The following PSMG1 variants were observed in gnomAD, a reference collection of about 807,000 sequenced individuals.
PSMG1 encodes the protein Down syndrome critical region gene 2.
In PSMG1, 23 loss-of-function variants were observed where a neutral mutation model predicts 37.2. The ratio of observed to expected loss-of-function variants is 0.62; its 90% CI spans 0.44 to 0.88. The LOEUF (loss-of-function observed/expected upper bound fraction) is 0.88, where lower values mean the gene tolerates loss of function less well. Among genes scored for constraint, PSMG1 ranks in the 40% least tolerant of loss-of-function variants. The pLI is 0.00. For synonymous variants in PSMG1, 127 were observed against 128.0 expected (o/e 0.99, Z 0.05); for missense variants, 340 against 344.2 (o/e 0.99, Z 0.10).
chr21:39,178,973 G>C (rs1001494233), intron 4 of PSMG1, among the ~76,000 whole-genome samples: 5 of 152,122 alleles, frequency 3.3e-5, no homozygotes, highest in Non-Finnish European at 7.4e-5. Flanking sequence ...ACTGGATATG[G>C]GGGTAGATCC....
chr21:39,179,634 A>G (rs1398698926), intron 4 of PSMG1, among the ~76,000 whole-genome samples: 1 of 150,630 alleles, frequency 6.6e-6, no homozygotes, highest in Non-Finnish European at 1.5e-5. Context: ...GAGGAATCCA[A>G]TTGTGTTTTA....
At chr21:39,182,303 TCAGA>T (rs2146412963) in intron 1 of PSMG1, among the ~76,000 whole-genome samples, 1 of 152,294 alleles carries the variant, frequency 6.6e-6, no homozygotes, top group South Asian at 2.1e-4. Context: ...AACGAAGCTA[TCAGA>T]CAAATTCAGA....
intron 1 of PSMG1, among the ~76,000 whole-genome samples, chr21:39,182,515 AATTAGT>A (rs1307248956): frequency 6.6e-6 from 1 of 152,198 alleles, no homozygotes; most frequent in African/African-American, 2.4e-5. Flanking sequence ...GATACTGGAA[AATTAGT>A]ATTAGTGTTG....
chr21:39,180,800 C>T (rs2030801207), intron 2 of PSMG1, among the ~76,000 whole-genome samples: 1 of 152,060 alleles, frequency 6.6e-6, no homozygotes, highest in Non-Finnish European at 1.5e-5. Flanking sequence ...ACTAGGGGTA[C>T]CTTACAGAGG....
Position 39,178,438 on chromosome 21 carries a change from T to G in PSMG1, c.655+11A>C. On this transcript the variant is annotated intron_variant, in intron 5 of 6. Transcript: ENST00000331573. Reference sequence around the variant, plus strand: ...AAGATAGAATGTAAATGTTACAAATTTTAATACCACCTGCTGCAGGAAGGT... The same window carrying G: ...AAGATAGAATGTAAATGTTACAAATGTTAATACCACCTGCTGCAGGAAGGT... The G allele has an allele frequency of 6.2e-7, 1 of 1,602,514 alleles. No individual in the cohort carries two copies. Among genetic ancestry groups the G allele is most frequent in the Admixed American group, 1.7e-5 (1 of 59,962 alleles).
intron 5 of PSMG1, among the ~76,000 whole-genome samples, chr21:39,178,099 T>C (rs1444910672): frequency 6.6e-6 from 1 of 152,226 alleles, no homozygotes; most frequent in Non-Finnish European, 1.5e-5. Flanking sequence ...CAAGATTCAA[T>C]ATTCAAAACT....
At position 39,179,954 on chromosome 21, in the gene PSMG1, T is replaced by C; in HGVS notation, c.426A>G (p.Ala142=). ...CCAGCCACTGATACTGTTGATCTTC[T>C]GCAACATAGCAACTGCACTGACAGA... is the stretch of plus-strand genomic sequence containing the variant. ...VFLCQCSCYV[A]EDQQYQWLEK... is the part of the protein sequence containing the mutation. Residue 142 remains alanine (A), a synonymous_variant, in exon 4 of 7, where the codon GCA becomes GCG. Transcript: ENST00000331573. 6 of 1,613,226 alleles carry C rather than the reference T, an allele frequency of 3.7e-6. No individual in the cohort carries two copies. The highest frequency in any genetic ancestry group is 1.1e-5 in the South Asian group (1 of 91,076).
In PSMG1 at chr21:39,175,509, A is replaced by G. The variant is rs1177371444; in HGVS notation, c.*81T>C. 9 of 1,440,382 alleles carry G rather than the reference A, an allele frequency of 6.2e-6. No individual in the cohort carries two copies. In the African/African-American group the frequency reaches 1.0e-4, roughly 16 times the overall value. The allele number at this position is 1,440,382 out of a possible 1,614,324, so 89.2% of individuals were successfully genotyped here. Reference sequence around the variant, plus strand: ...TCATCATTCTCAAAATATATCCCCCAAAAGTAATCTACAAAAGAGTGCAGG... The same window carrying G: ...TCATCATTCTCAAAATATATCCCCCGAAAGTAATCTACAAAAGAGTGCAGG... On this transcript the variant is annotated 3_prime_UTR_variant, in exon 7 of 7. Coordinates refer to ENST00000331573, the MANE Select transcript of PSMG1 (RefSeq NM_003720.4).
chr21:39,178,540 G>T lies in PSMG1; in HGVS notation c.564C>A (p.Phe188Leu). 1 of 1,614,096 alleles carries T rather than the reference G, an allele frequency of 6.2e-7. No individual in the cohort carries two copies. The highest frequency in any genetic ancestry group is 8.5e-7 in the Non-Finnish European group (1 of 1,179,982). The change falls in exon 5 of 7, where the codon TTC becomes TTA. Residue 188 changes from phenylalanine to leucine, a missense_variant. Physicochemically the swap from Phe to Leu is conservative, Grantham distance 22. Transcript: ENST00000331573. The part of the protein sequence containing the change: ...SESTGSLPSP[F>L]LRALKTQNFK... Reference sequence around the variant, plus strand: ...AATTCTGTGTTTTTAGGGCTCTCAGGAAAGGAGAAGGAAGGCTGCCGGTGG... The same window carrying T: ...AATTCTGTGTTTTTAGGGCTCTCAGTAAAGGAGAAGGAAGGCTGCCGGTGG...
intron 2 of PSMG1, among the ~76,000 whole-genome samples, chr21:39,181,434 C>A (rs998940083): frequency 2.6e-5 from 4 of 151,802 alleles, no homozygotes; most frequent in Non-Finnish European, 5.9e-5. Context: ...CTGCACCCAG[C>A]CTAAATCTGA....
At chr21:39,181,701 T>C in intron 2 of PSMG1, 71 bp downstream of exon 2, 1 of 1,100,426 alleles carries the variant, frequency 9.1e-7, no homozygotes, top group South Asian at 1.8e-5. Context: ...TTTAAATCTT[T>C]TATGATGGAA....
rs1361656253 is a variant in PSMG1 at position 39,179,907 on chromosome 21, T to C, written c.456+17A>G. 1 of 1,611,200 alleles carries C rather than the reference T, an allele frequency of 6.2e-7. No individual in the cohort carries two copies. The highest frequency in any genetic ancestry group is 1.1e-5 in the South Asian group (1 of 90,990). ...TCCTGTAGACTAACCATTCACAGGT[T>C]TTCATTTCTCTCTTACCTTTTCCAG... is the stretch of plus-strand genomic sequence containing the variant. On this transcript the variant is annotated intron_variant, in intron 4 of 6. Transcript: ENST00000331573.
At chr21:39,180,473 C>G (rs755791665) in intron 2 of PSMG1, 37 bp from the exon 3 acceptor site, 1 of 1,528,916 alleles carries the variant, frequency 6.5e-7, no homozygotes, top group Non-Finnish European at 8.8e-7. Context: ...GTGTTTGGCT[C>G]TGCAAGCTAT....
chr21:39,182,048 A>C (rs907484550), intron 1 of PSMG1, among the ~76,000 whole-genome samples, 170 bp from the exon 2 acceptor site: 7 of 152,198 alleles, frequency 4.6e-5, no homozygotes, highest in African/African-American at 1.4e-4. Flanking sequence ...CCAACAGATA[A>C]AACTATTGCA....
intron 5 of PSMG1, 150 bp downstream of exon 5, chr21:39,178,297 ACT>A (rs2030696974): frequency 4.4e-6 from 3 of 681,512 alleles, no homozygotes; most frequent in Non-Finnish European, 7.2e-6. Context: ...AACTAAATAT[ACT>A]GCACTTGTAA....
intron 6 of PSMG1, among the ~76,000 whole-genome samples, chr21:39,176,303 T>C (rs1186948582): frequency 6.6e-6 from 1 of 152,190 alleles, no homozygotes; most frequent in Non-Finnish European, 1.5e-5. Context: ...TTAAGCCCCA[T>C]ATGACAGATG....
intron 5 of PSMG1, 74 bp from the exon 6 acceptor site, chr21:39,177,645 A>C (rs2030676749): frequency 3.4e-6 from 4 of 1,176,496 alleles, no homozygotes; most frequent in Non-Finnish European, 4.5e-6. Context: ...CCTTTAAATA[A>C]TAAAGGCTGT....
intron 4 of PSMG1, among the ~76,000 whole-genome samples, chr21:39,179,292 A>C (rs1354952563): frequency 2.0e-5 from 3 of 152,124 alleles, no homozygotes; most frequent in Admixed American, 6.5e-5. Flanking sequence ...ATAGATGAAC[A>C]CGTAATGCCA....
At chr21:39,176,679 T>C (rs1046707827) in intron 6 of PSMG1, among the ~76,000 whole-genome samples, 14 of 152,198 alleles carry the variant, frequency 9.2e-5, no homozygotes, top group Admixed American at 9.2e-4. Context: ...AAAATCGTGG[T>C]CCATTACCAC....
Sources: allele counts gnomAD v4.1 joint callset (sites outside exome capture counted in the v4.1 genomes callset), GRCh38; gene constraint gnomAD v4.1.1; transcripts MANE v1.5; gene names NCBI Gene and HGNC (gene_info 2026-07-23, HGNC 2026-07-21).